Variants in DENND5B observed in about 807,000 individuals in gnomAD.
DENND5B encodes DENN domain containing 5B, also known as DENN domain-containing protein 5B.
A neutral mutation model predicts 140.6 loss-of-function variants in DENND5B; 34 were observed. The observed-to-expected ratio is 0.24, with a 90% CI of 0.18 to 0.32. The LOEUF (loss-of-function observed/expected upper bound fraction) is 0.32. DENND5B is among the 10% of genes least tolerant of loss of function. The probability of loss-of-function intolerance (pLI) is 1.00; values close to 1 mark genes in which losing one functional copy is unlikely to be tolerated. For synonymous variants in DENND5B, 551 were observed against 562.1 expected (o/e 0.98, Z 0.28); for missense variants, 1,142 against 1,560.2 (o/e 0.73, Z 4.52).
intron 1 of DENND5B, among the ~76,000 whole-genome samples, chr12:31,560,050 A>G (rs1236367879): frequency 6.6e-6 from 1 of 152,062 alleles, no homozygotes. Context: ...CTCTATCCAC[A>G]TTCTCTCCCT....
At chr12:31,587,728 G>A (rs1014283829) in intron 1 of DENND5B, among the ~76,000 whole-genome samples, 1 of 151,682 alleles carries the variant, frequency 6.6e-6, no homozygotes, top group African/African-American at 2.4e-5. Flanking sequence ...TGTATTTTCA[G>A]GTGAGATGTG....
intron 17 of DENND5B, among the ~76,000 whole-genome samples, chr12:31,393,813 G>A (rs1186869623): frequency 2.0e-5 from 3 of 151,962 alleles, no homozygotes; most frequent in African/African-American, 7.3e-5. Context: ...TCAGCCTCCC[G>A]TGTAGCTGGG....
At chr12:31,493,641 C>T (rs949731014) in intron 2 of DENND5B, among the ~76,000 whole-genome samples, 1 of 152,010 alleles carries the variant, frequency 6.6e-6, no homozygotes, top group Admixed American at 6.6e-5. Context: ...ACCAGCCTGG[C>T]CAATATGGTG....
chr12:31,424,234 T>C (rs1171860853), intron 10 of DENND5B, among the ~76,000 whole-genome samples: 1 of 152,118 alleles, frequency 6.6e-6, no homozygotes, highest in Non-Finnish European at 1.5e-5. Flanking sequence ...TAACTTAAAA[T>C]GGTAAGGAAC....
At chr12:31,506,374 A>T (rs754319627) in intron 1 of DENND5B, 3 of 152,208 alleles carry the variant, frequency 2.0e-5, no homozygotes, top group Non-Finnish European at 2.9e-5. Context: ...GTAATGAATT[A>T]GTTATCAACA....
chr12:31,533,537 T>C (rs1391423587), intron 1 of DENND5B, among the ~76,000 whole-genome samples: 2 of 152,218 alleles, frequency 1.3e-5, no homozygotes, highest in East Asian at 3.8e-4. Context: ...TCACTTTGCT[T>C]TGTAAGGTTT....
chr12:31,403,947 G>T (rs1162800307), intron 14 of DENND5B, among the ~76,000 whole-genome samples: 2 of 150,132 alleles, frequency 1.3e-5, no homozygotes, highest in Non-Finnish European at 3.0e-5. Context: ...CCAGGCACGG[G>T]GGCTCATGTC....
chr12:31,424,830 A>C, intron 9 of DENND5B, 143 bp from the exon 10 acceptor site: 2 of 1,059,016 alleles, frequency 1.9e-6, no homozygotes, highest in South Asian at 1.6e-5. Context: ...AAAATCTCTT[A>C]ATCTTGATGT....
At chr12:31,484,302 G>A (rs1946201934) in intron 2 of DENND5B, among the ~76,000 whole-genome samples, 1 of 152,148 alleles carries the variant, frequency 6.6e-6, no homozygotes, top group South Asian at 2.1e-4. Context: ...GGCAGCCTTG[G>A]AGATGAGAAG....
chr12:31,421,842 C>T (rs1352962216), intron 11 of DENND5B, among the ~76,000 whole-genome samples: 1 of 152,184 alleles, frequency 6.6e-6, no homozygotes, highest in East Asian at 1.9e-4. Flanking sequence ...GTTGAGTCAA[C>T]ATGCCTGGCC....
chr12:31,571,031 T>G (rs1294264412), intron 1 of DENND5B, among the ~76,000 whole-genome samples: 1 of 152,096 alleles, frequency 6.6e-6, no homozygotes, highest in Non-Finnish European at 1.5e-5. Context: ...ATTCTCCGCA[T>G]TCTCGGCTGC....
intron 1 of DENND5B, among the ~76,000 whole-genome samples, chr12:31,563,745 C>CAT (rs1316638975): frequency 2.6e-5 from 4 of 152,166 alleles, no homozygotes; most frequent in Non-Finnish European, 5.9e-5. Context: ...CAATAAGAAA[C>CAT]ATGCAAATGC....
At chr12:31,534,147 T>C (rs1156358075) in intron 1 of DENND5B, among the ~76,000 whole-genome samples, 5 of 152,060 alleles carry the variant, frequency 3.3e-5, no homozygotes, top group Non-Finnish European at 5.9e-5. Context: ...TCTGTTCAAC[T>C]TGTGTCAAGT....
rs1019923911 is a variant in DENND5B, at chr12:31,387,651, G to A, written c.3777C>T (p.Asp1259=). The change falls in exon 21 of 21, where the codon GAC becomes GAT. Residue 1259 remains aspartate (D), a synonymous_variant. Transcript: ENST00000389082. Reference sequence around the variant, plus strand: ...GTGATCCTTCTAGGACTATGGTGAAGTCCTGAATGGTCTGCAGAATTCGGA... The same window carrying A: ...GTGATCCTTCTAGGACTATGGTGAAATCCTGAATGGTCTGCAGAATTCGGA... The part of the protein sequence containing the change: ...SLIRILQTIQ[D]FTIVLEGSLI... 2 of 1,614,060 alleles carry A rather than the reference G, an allele frequency of 1.2e-6. No homozygotes were observed. Among genetic ancestry groups the A allele is most frequent in the Non-Finnish European group, 1.7e-6 (2 of 1,179,910 alleles).
chr12:31,476,986 T>C (rs535077552), intron 3 of DENND5B, among the ~76,000 whole-genome samples: 39 of 152,244 alleles, frequency 2.6e-4, no homozygotes, highest in African/African-American at 8.9e-4. Context: ...CCCAGCACTT[T>C]GGGAGGCTGA....
intron 7 of DENND5B, among the ~76,000 whole-genome samples, chr12:31,436,931 C>A (rs147245662): frequency 7.7e-4 from 118 of 152,270 alleles, no homozygotes; most frequent in African/African-American, 2.3e-3. Context: ...TTTCATTCAC[C>A]TTTCAGATAG....
intron 1 of DENND5B, among the ~76,000 whole-genome samples, chr12:31,560,068 C>T (rs899631080): frequency 6.6e-6 from 1 of 152,174 alleles, no homozygotes; most frequent in Non-Finnish European, 1.5e-5. Context: ...CCTTGGTGAT[C>T]TTATCTAAAC....
chr12:31,560,002 T>C (rs529261453), intron 1 of DENND5B, among the ~76,000 whole-genome samples: 1 of 152,214 alleles, frequency 6.6e-6, no homozygotes, highest in Non-Finnish European at 1.5e-5. Context: ...ATCTTACTGT[T>C]AGAACATCCA....
intron 2 of DENND5B, 69 bp from the exon 3 acceptor site, chr12:31,480,324 G>GTT (rs11460345): frequency 6.0e-5 from 82 of 1,359,398 alleles, no homozygotes; most frequent in East Asian, 4.7e-4. Context: ...AATAAATGTT[G>GTT]TTTTTTTAAC....
Sources: allele counts gnomAD v4.1 joint callset (sites outside exome capture counted in the v4.1 genomes callset), GRCh38; gene constraint gnomAD v4.1.1; transcripts MANE v1.5; gene names NCBI Gene and HGNC (gene_info 2026-07-23, HGNC 2026-07-21).